Variants in MARCHF1 observed in about 807,000 individuals in gnomAD.
MARCHF1 encodes the protein membrane associated ring-CH-type finger 1.
In MARCHF1, 40 loss-of-function variants were observed where a neutral mutation model predicts 54.2. The observed-to-expected ratio is 0.74, with a 90% CI of 0.57 to 0.96. The LOEUF (loss-of-function observed/expected upper bound fraction) is 0.96. MARCHF1 is among the 40% of genes least tolerant of loss of function. The pLI is 0.00. For synonymous variants in MARCHF1, 236 were observed against 236.3 expected (o/e 1.00, Z 0.01); for missense variants, 586 against 656.5 (o/e 0.89, Z 1.17).
At chr4:163,678,375 T>C (rs1328177957) in intron 5 of MARCHF1, among the ~76,000 whole-genome samples, 1 of 152,230 alleles carries the variant, frequency 6.6e-6, no homozygotes, top group Non-Finnish European at 1.5e-5. Context: ...ATAGCTTCCA[T>C]TTCATTAGAG....
intron 1 of MARCHF1, among the ~76,000 whole-genome samples, chr4:164,360,775 A>G (rs1384942732): frequency 1.3e-5 from 2 of 152,136 alleles, no homozygotes; most frequent in African/African-American, 2.4e-5. Context: ...TCATTTTCAT[A>G]TATCAATTTA....
In MARCHF1 at chr4:164,025,276, C is replaced by T. The variant is rs188521202; in HGVS notation, c.-247-36567G>A. Among the ~76,000 whole-genome samples, 20 of 152,174 alleles carry T rather than the reference C, an allele frequency of 1.3e-4. No homozygotes were observed. The East Asian group carries it at 2.5e-3, about 19-fold the overall frequency. ...TACAGAACACTCCACCCAAAGATCA[C>T]GGAATATACATTCTTCTCATCTGCA... On this transcript the variant is annotated intron_variant, in intron 2 of 9. Coordinates refer to ENST00000514618, the MANE Select transcript of MARCHF1 (RefSeq NM_001394959.1).
chr4:164,149,661 T>A (rs1400555269), intron 1 of MARCHF1, among the ~76,000 whole-genome samples: 1 of 152,096 alleles, frequency 6.6e-6, no homozygotes, highest in Non-Finnish European at 1.5e-5. Context: ...TAGATTCGGG[T>A]CAGTAGTAAA....
In MARCHF1 at chr4:163,905,897, T is replaced by C. The variant is rs145793550; in HGVS notation, c.-38-51728A>G. On this transcript the variant is annotated intron_variant, in intron 3 of 9. Coordinates refer to ENST00000514618, the MANE Select transcript of MARCHF1 (RefSeq NM_001394959.1). The stretch of plus-strand genomic sequence containing the variant: ...ATACAGTCAGTTTAACTAGTTACTA[T>C]AAAAAATTCATTTATTGGATCTTCT... Among the ~76,000 whole-genome samples the C allele has an allele frequency of 6.9e-4, 105 of 152,182 alleles. No individual in the cohort carries two copies. The East Asian group carries it at 0.016, about 23-fold the overall frequency.
At chr4:164,340,962 T>C (rs1478100019) in intron 1 of MARCHF1, among the ~76,000 whole-genome samples, 1 of 150,148 alleles carries the variant, frequency 6.7e-6, no homozygotes, top group Non-Finnish European at 1.5e-5. Flanking sequence ...CTGATGAATC[T>C]AGATGCAAAA....
chr4:163,559,874 G>A (rs1009150797), intron 8 of MARCHF1, among the ~76,000 whole-genome samples: 3 of 152,004 alleles, frequency 2.0e-5, no homozygotes, highest in African/African-American at 4.8e-5. Context: ...TGTCAGCCTC[G>A]GAAATCTAGT....
At chr4:163,668,462 A>G (rs1393127240) in intron 5 of MARCHF1, among the ~76,000 whole-genome samples, 2 of 152,210 alleles carry the variant, frequency 1.3e-5, no homozygotes, top group African/African-American at 2.4e-5. Context: ...GACTAGCACA[A>G]AAGAATGACT....
chr4:164,141,214 T>A (rs1756525458), intron 1 of MARCHF1, among the ~76,000 whole-genome samples: 2 of 152,230 alleles, frequency 1.3e-5, no homozygotes, highest in African/African-American at 4.8e-5. Context: ...ATGCCACTAC[T>A]GATACTTTCT....
intron 5 of MARCHF1, among the ~76,000 whole-genome samples, chr4:163,626,897 T>A (rs1305626099): frequency 6.6e-6 from 1 of 152,064 alleles, no homozygotes; most frequent in East Asian, 1.9e-4. Context: ...CCGCACTTCA[T>A]CTTGGTGACA....
intron 4 of MARCHF1, among the ~76,000 whole-genome samples, chr4:163,720,398 A>G (rs181917839): frequency 0.039 from 5,909 of 152,190 alleles, 176 homozygotes; most frequent in East Asian, 0.077. Flanking sequence ...TCTCTGTTTT[A>G]GTACCAGTAC....
chr4:164,189,249 G>C lies in MARCHF1; in HGVS notation c.-322-77587C>G, dbSNP rs1353847313. On this transcript the variant is annotated intron_variant, in intron 1 of 9. Transcript: ENST00000514618. Reference sequence around the variant, plus strand: ...GGGCTGTGCAGAAACTCCAGCTAGAGGTAGAAAAGGCCAGATGGGCCCTGT... The same window carrying C: ...GGGCTGTGCAGAAACTCCAGCTAGACGTAGAAAAGGCCAGATGGGCCCTGT... 1.7e-5 allele frequency: 10 copies of C among 578,374 alleles called. No homozygotes were observed. In the East Asian group the frequency reaches 2.4e-4, roughly 14 times the overall value. 35.8% of individuals were successfully genotyped at this position (578,374 alleles called of 1,614,324 possible). A position where few individuals can be genotyped will look rare whatever the true frequency, so the allele number is the denominator to read the frequency against.
chr4:163,831,468 G>A (rs1209561403), intron 4 of MARCHF1, among the ~76,000 whole-genome samples: 11 of 151,838 alleles, frequency 7.2e-5, no homozygotes, highest in Non-Finnish European at 1.0e-4. Flanking sequence ...GTATGTGCCT[G>A]TAGTCCCAGC....
At chr4:163,750,035 C>T (rs1746474758) in intron 4 of MARCHF1, among the ~76,000 whole-genome samples, 2 of 151,808 alleles carry the variant, frequency 1.3e-5, no homozygotes, top group African/African-American at 4.8e-5. Context: ...TGCCATTGCA[C>T]TCCAGCCTGG....
chr4:163,844,416 C>T (rs116263114), intron 4 of MARCHF1, among the ~76,000 whole-genome samples: 1 of 152,030 alleles, frequency 6.6e-6, no homozygotes, highest in Non-Finnish European at 1.5e-5. Context: ...GTGCAGAGTT[C>T]TTTAATTTAA....
intron 1 of MARCHF1, chr4:164,383,628 T>C (rs909406052): frequency 6.6e-6 from 1 of 152,112 alleles, no homozygotes; most frequent in Non-Finnish European, 1.5e-5. Flanking sequence ...CCGCCTCCTC[T>C]CACCAGAGAG....
rs61734695 is a variant in MARCHF1, at chr4:164,197,497, A to T, written c.-322-85835T>A. The T allele has an allele frequency of 2.2e-3, 3,494 of 1,613,512 alleles. 72 individuals carry two copies. The African/African-American group carries it at 0.042, about 20-fold the overall frequency. On this transcript the variant is annotated intron_variant, in intron 1 of 9. Coordinates refer to ENST00000514618, the MANE Select transcript of MARCHF1 (RefSeq NM_001394959.1). Reference sequence around the variant, plus strand: ...TGCCAATACTTCCAGGCCCCCTGAGACTCTTAGTTCAAGCTTTCTCAACTT... The same window carrying T: ...TGCCAATACTTCCAGGCCCCCTGAGTCTCTTAGTTCAAGCTTTCTCAACTT...
chr4:163,611,232 C>T (rs1741328519), intron 7 of MARCHF1, among the ~76,000 whole-genome samples: 1 of 152,018 alleles, frequency 6.6e-6, no homozygotes, highest in Non-Finnish European at 1.5e-5. Context: ...TGCTTGAATA[C>T]ATATATGAAT....
intron 1 of MARCHF1, among the ~76,000 whole-genome samples, chr4:164,148,169 A>ACACT (rs1491454766): frequency 2.0e-5 from 3 of 149,162 alleles, no homozygotes; most frequent in African/African-American, 7.5e-5. Context: ...ACACACACAC[A>ACACT]CTCACGAATT....
chr4:164,177,968 C>A (rs1730734745), intron 1 of MARCHF1, among the ~76,000 whole-genome samples: 1 of 152,086 alleles, frequency 6.6e-6, no homozygotes, highest in Non-Finnish European at 1.5e-5. Flanking sequence ...ACCTGAGGTA[C>A]AACAATTTGA....
Sources: allele counts gnomAD v4.1 joint callset (sites outside exome capture counted in the v4.1 genomes callset), GRCh38; gene constraint gnomAD v4.1.1; transcripts MANE v1.5; gene names NCBI Gene and HGNC (gene_info 2026-07-23, HGNC 2026-07-21).